DPY19L2: variants seen among roughly 807,000 people sequenced by gnomAD.
DPY19L2 encodes probable C-mannosyltransferase DPY19L2.
In DPY19L2, 34 loss-of-function variants were observed where a neutral mutation model predicts 97.9. The ratio of observed to expected loss-of-function variants is 0.35; its 90% CI spans 0.26 to 0.46. The LOEUF is 0.46. Among genes scored for constraint, DPY19L2 ranks in the 20% least tolerant of loss-of-function variants. The pLI, the probability that DPY19L2 is intolerant of heterozygous loss-of-function variation, is 1.00. For synonymous variants in DPY19L2, 230 were observed against 307.9 expected, an observed-to-expected ratio of 0.75 and a Z score of 2.65; for missense variants, 623 against 911.4, an observed-to-expected ratio of 0.68 and a Z score of 4.07.
chr12:63,653,566 C>T (rs1894564941), intron 4 of DPY19L2, among the ~76,000 whole-genome samples: 1 of 151,832 alleles, frequency 6.6e-6, no homozygotes, highest in African/African-American at 2.4e-5. Flanking sequence ...TAAATACATA[C>T]ATAAATAAAT....
chr12:63,651,791 G>T, intron 4 of DPY19L2: 1 of 339,082 alleles, frequency 2.9e-6, no homozygotes. Flanking sequence ...AGAACCAGAA[G>T]GACCCCGGTG....
intron 1 of DPY19L2, 97 bp downstream of exon 1, chr12:63,667,960 G>C: frequency 1.4e-6 from 2 of 1,401,864 alleles, no homozygotes; most frequent in Non-Finnish European, 1.9e-6. Flanking sequence ...TTTCCTACTA[G>C]GCACCCACAA....
At chr12:63,607,451 A>G (rs1886246509) in intron 12 of DPY19L2, among the ~76,000 whole-genome samples, 1 of 152,172 alleles carries the variant, frequency 6.6e-6, no homozygotes, top group Non-Finnish European at 1.5e-5. Flanking sequence ...AGAATAATAA[A>G]AAGACAAAAA....
Position 63,620,715 on chromosome 12 carries a change from C to T in DPY19L2, c.1053+523G>A, listed in dbSNP as rs150334924. 2.5e-3 allele frequency among the ~76,000 whole-genome samples: 375 copies of T among 152,170 alleles called. 16 individuals are homozygous for T. In the East Asian group the frequency reaches 0.064, roughly 26 times the overall value. ...TCTTGCGTTCAACTTAATTAATATA[C>T]GCAAAGGAATATAAATCATTCTATT... On this transcript the variant is annotated intron_variant, in intron 9 of 21. Transcript: ENST00000324472.
intron 6 of DPY19L2, among the ~76,000 whole-genome samples, chr12:63,629,191 C>G (rs148262762): frequency 0.016 from 2,475 of 152,180 alleles, 71 homozygotes; most frequent in African/African-American, 0.056. Context: ...AGCTCCTCAC[C>G]AGCAATGGAA....
intron 16 of DPY19L2, among the ~76,000 whole-genome samples, chr12:63,593,555 C>A (rs1428974038): frequency 6.6e-6 from 1 of 152,056 alleles, no homozygotes; most frequent in Non-Finnish European, 1.5e-5. Context: ...AAACCAAACA[C>A]CGCATATTCT....
intron 6 of DPY19L2, among the ~76,000 whole-genome samples, chr12:63,631,998 T>G (rs1212576175): frequency 6.6e-6 from 1 of 152,090 alleles, no homozygotes; most frequent in Non-Finnish European, 1.5e-5. Flanking sequence ...GAAAAGGCCT[T>G]TGACAAAATT....
chr12:63,635,593 T>C (rs1891519849), intron 6 of DPY19L2, among the ~76,000 whole-genome samples: 1 of 152,082 alleles, frequency 6.6e-6, no homozygotes, highest in African/African-American at 2.4e-5. Flanking sequence ...AGACCTTAAA[T>C]GACCTGATGG....
At chr12:63,624,750 T>C (rs1889249180) in intron 7 of DPY19L2, among the ~76,000 whole-genome samples, 1 of 152,186 alleles carries the variant, frequency 6.6e-6, no homozygotes, top group South Asian at 2.1e-4. Flanking sequence ...AAATTACTTC[T>C]AAGACATATG....
chr12:63,611,567 T>C (rs1423372980), intron 11 of DPY19L2, among the ~76,000 whole-genome samples: 2 of 151,694 alleles, frequency 1.3e-5, no homozygotes, highest in East Asian at 1.9e-4. Context: ...AGAAAGAACA[T>C]GTTAACTAGA....
intron 18 of DPY19L2, 98 bp downstream of exon 18, chr12:63,582,308 T>C: frequency 2.4e-6 from 3 of 1,247,324 alleles, no homozygotes; most frequent in Non-Finnish European, 1.1e-6. Flanking sequence ...AAACACTTAG[T>C]GTGTTTATAT....
intron 11 of DPY19L2, among the ~76,000 whole-genome samples, chr12:63,614,007 T>C (rs1467308617): frequency 6.6e-6 from 1 of 151,154 alleles, no homozygotes; most frequent in Non-Finnish European, 1.5e-5. Flanking sequence ...CTGGCCAACA[T>C]GGTGACACCC....
intron 12 of DPY19L2, among the ~76,000 whole-genome samples, chr12:63,603,253 T>C (rs1163168902): frequency 6.6e-6 from 1 of 152,020 alleles, no homozygotes. Flanking sequence ...CGAAAGGAAA[T>C]ACACATGGGA....
intron 16 of DPY19L2, among the ~76,000 whole-genome samples, chr12:63,587,548 A>AT (rs1375234059): frequency 0.012 from 1,661 of 136,352 alleles, 34 homozygotes; most frequent in African/African-American, 0.044. Context: ...CTAGTTAGAC[A>AT]TTTTTAAAAA....
intron 16 of DPY19L2, among the ~76,000 whole-genome samples, chr12:63,592,600 A>C (rs1414239010): frequency 4.0e-5 from 6 of 149,178 alleles, no homozygotes; most frequent in African/African-American, 7.4e-5. Context: ...AGAAAGCTGA[A>C]ACTGGATCCC....
intron 13 of DPY19L2, among the ~76,000 whole-genome samples, chr12:63,598,401 A>T (rs1424511032): frequency 6.6e-6 from 1 of 152,152 alleles, no homozygotes; most frequent in Non-Finnish European, 1.5e-5. Context: ...TGAATATGAG[A>T]CCTGATCCTC....
At chr12:63,604,675 A>G (rs1885746160) in intron 12 of DPY19L2, among the ~76,000 whole-genome samples, 1 of 152,078 alleles carries the variant, frequency 6.6e-6, no homozygotes, top group South Asian at 2.1e-4. Flanking sequence ...TTTCAGTTCT[A>G]TAATCACCAA....
chr12:63,657,001 G>A (rs1895054957), intron 4 of DPY19L2, among the ~76,000 whole-genome samples: 1 of 152,048 alleles, frequency 6.6e-6, no homozygotes, highest in Non-Finnish European at 1.5e-5. Context: ...TCCAATATCT[G>A]TATCTTCTTT....
chr12:63,607,070 G>C (rs1038262293), intron 12 of DPY19L2, among the ~76,000 whole-genome samples: 5 of 152,092 alleles, frequency 3.3e-5, no homozygotes, highest in African/African-American at 7.2e-5. Context: ...TGAACATTTG[G>C]TTAAATCTCA....
Sources: gnomAD v4.1 joint callset for allele counts (sites outside exome capture counted in the v4.1 genomes callset) on GRCh38, gnomAD v4.1.1 for gene constraint, MANE v1.5 for transcripts, NCBI Gene and HGNC (gene_info 2026-07-23, HGNC 2026-07-21) for gene names.